TMEM45B: variants seen among roughly 807,000 people sequenced by gnomAD.
The protein encoded by TMEM45B is transmembrane protein 45B.
In TMEM45B, 29 loss-of-function variants were observed where a neutral mutation model predicts 27.3. The observed-to-expected ratio is 1.06, with a 90% CI of 0.79 to 1.45. The LOEUF is 1.45. Ranked by LOEUF, TMEM45B falls within the 40% of genes most tolerant of loss-of-function variation. The pLI is 0.00. For missense variants in TMEM45B, 348 were observed against 343.9 expected (o/e 1.01, Z -0.09); for synonymous variants, 143 against 134.7 (o/e 1.06, Z -0.43).
intron 1 of TMEM45B, among the ~76,000 whole-genome samples, chr11:129,822,381 T>C (rs1947429265): frequency 6.6e-6 from 1 of 152,166 alleles, no homozygotes; most frequent in Non-Finnish European, 1.5e-5. Context: ...GCTTTATACA[T>C]GTTTGGGGAT....
In TMEM45B at chr11:129,846,056, A is replaced by G. The variant is rs1190033124; in HGVS notation, c.-8-6419A>G. Reference sequence around the variant, plus strand: ...AGTTATCTGAGGTTAAAATGTCTAGAATTTAATTTGGTCAACATTTGACAG... The same window carrying G: ...AGTTATCTGAGGTTAAAATGTCTAGGATTTAATTTGGTCAACATTTGACAG... On this transcript the variant is annotated intron_variant, in intron 1 of 5. Transcript: ENST00000281441. 7.8e-4 allele frequency among the ~76,000 whole-genome samples: 118 copies of G among 152,252 alleles called. 1 individual carries two copies. The highest frequency in any genetic ancestry group is 7.7e-3 in the Admixed American group (118 of 15,284).
At chr11:129,816,033 C>T in intron 1 of TMEM45B, 135 bp downstream of exon 1, 1 of 1,203,162 alleles carries the variant, frequency 8.3e-7, no homozygotes, top group Non-Finnish European at 1.0e-6. Flanking sequence ...GGGACGCGGA[C>T]AGGGAGGGGC....
chr11:129,850,269 A>G (rs1305463853), intron 1 of TMEM45B: 2 of 151,774 alleles, frequency 1.3e-5, no homozygotes, highest in East Asian at 1.9e-4. Context: ...GGTTCAAGCG[A>G]TTCTCCTGCC....
chr11:129,821,005 C>T (rs982295411), intron 1 of TMEM45B, among the ~76,000 whole-genome samples: 3 of 152,178 alleles, frequency 2.0e-5, no homozygotes, highest in Non-Finnish European at 4.4e-5. Flanking sequence ...CACCCCCACC[C>T]TCCCTCTCAC....
At chr11:129,816,468 G>T (rs1434674278) in intron 1 of TMEM45B, among the ~76,000 whole-genome samples, 1 of 152,110 alleles carries the variant, frequency 6.6e-6, no homozygotes, top group Non-Finnish European at 1.5e-5. Context: ...AATAACACCG[G>T]GCGGTGGATA....
chr11:129,836,562 T>C (rs1457917827), intron 1 of TMEM45B, among the ~76,000 whole-genome samples: 3 of 152,248 alleles, frequency 2.0e-5, no homozygotes, highest in East Asian at 1.9e-4. Context: ...TCTTTTGAGA[T>C]AAGATCTTTA....
intron 1 of TMEM45B, among the ~76,000 whole-genome samples, chr11:129,834,303 C>T (rs1947591065): frequency 2.0e-5 from 3 of 151,428 alleles, no homozygotes; most frequent in Admixed American, 1.3e-4. Flanking sequence ...TGGTGGCGTG[C>T]GCCTGTAATC....
In TMEM45B at chr11:129,856,708, C is replaced by T. The variant is rs556650861; in HGVS notation, c.571-605C>T. On this transcript the variant is annotated intron_variant, in intron 4 of 5. Transcript: ENST00000281441. ...CCAAGTAGCTGGGACTACAGGCGCC[C>T]GCCACCACGCCTGGCTAATTTTTTG... Among the ~76,000 whole-genome samples, 20 of 151,596 alleles carry T rather than the reference C, an allele frequency of 1.3e-4. No homozygotes were observed. In the East Asian group the frequency reaches 2.0e-3, roughly 15 times the overall value.
intron 1 of TMEM45B, among the ~76,000 whole-genome samples, chr11:129,843,009 G>A (rs1041096065): frequency 6.6e-6 from 1 of 152,156 alleles, no homozygotes; most frequent in South Asian, 2.1e-4. Flanking sequence ...GTGCAATCTC[G>A]GCTCACTGTA....
intron 1 of TMEM45B, among the ~76,000 whole-genome samples, chr11:129,823,556 C>T (rs145873827): frequency 9.7e-4 from 148 of 152,208 alleles, no homozygotes; most frequent in African/African-American, 3.4e-3. Context: ...TTAAATTGAC[C>T]CTATTATCTG....
intron 1 of TMEM45B, among the ~76,000 whole-genome samples, chr11:129,821,893 A>T (rs546138079): frequency 1.1e-3 from 165 of 152,254 alleles, no homozygotes; most frequent in African/African-American, 3.9e-3. Context: ...GGTATCCGTC[A>T]CTGTCCTAAG....
intron 1 of TMEM45B, among the ~76,000 whole-genome samples, chr11:129,837,057 C>T (rs1033479807): frequency 5.9e-5 from 9 of 152,324 alleles, no homozygotes; most frequent in African/African-American, 2.2e-4. Flanking sequence ...CCCAGAGTCT[C>T]AGCAATGCCG....
intron 3 of TMEM45B, among the ~76,000 whole-genome samples, chr11:129,855,249 G>A (rs1328770242): frequency 1.3e-5 from 2 of 152,006 alleles, no homozygotes; most frequent in African/African-American, 2.4e-5. Context: ...CTTTTGCCCA[G>A]GGAGGTACCG....
In TMEM45B at chr11:129,858,846, T is replaced by G; in HGVS notation, c.*161T>G. On this transcript the variant is annotated 3_prime_UTR_variant, in exon 6 of 6. Coordinates refer to ENST00000281441, the MANE Select transcript of TMEM45B (RefSeq NM_138788.5). ...AGGTTCTACAACAGGAAATCAGGCC[T>G]ACAGCATCCTGTGTATCTTGCAGTT... 1.9e-6 allele frequency: 1 copy of G among 515,048 alleles called. No individual in the cohort carries two copies. The highest frequency in any genetic ancestry group is 3.5e-6 in the Non-Finnish European group (1 of 289,028). 31.9% of individuals were successfully genotyped at this position (515,048 alleles called of 1,614,324 possible).
chr11:129,854,404 GC>G (rs1333046041), intron 2 of TMEM45B, among the ~76,000 whole-genome samples: 1 of 152,096 alleles, frequency 6.6e-6, no homozygotes, highest in Non-Finnish European at 1.5e-5. Context: ...AACAACAATG[GC>G]AAGATGTCTA....
At chr11:129,858,119 A>G (rs954563892) in intron 5 of TMEM45B, among the ~76,000 whole-genome samples, 1 of 152,192 alleles carries the variant, frequency 6.6e-6, no homozygotes, top group Admixed American at 6.5e-5. Flanking sequence ...TCTCAGTGCA[A>G]GGGTGAATTT....
chr11:129,856,705 G>A (rs1287339449), intron 4 of TMEM45B, among the ~76,000 whole-genome samples: 2 of 151,226 alleles, frequency 1.3e-5, no homozygotes, highest in South Asian at 2.1e-4. Flanking sequence ...GACTACAGGC[G>A]CCCGCCACCA....
At chr11:129,851,400 C>T (rs905544692) in intron 1 of TMEM45B, among the ~76,000 whole-genome samples, 1 of 150,478 alleles carries the variant, frequency 6.6e-6, no homozygotes, top group African/African-American at 2.4e-5. Flanking sequence ...AAAAATTAGC[C>T]AGGCGTGGTG....
Position 129,857,373 on chromosome 11 carries a change from A to C in TMEM45B, c.631A>C (p.Asn211His). 2 of 1,614,190 alleles carry C rather than the reference A, an allele frequency of 1.2e-6. No individual in the cohort carries two copies. The highest frequency in any genetic ancestry group is 1.7e-6 in the Non-Finnish European group (2 of 1,180,036). ...CGAATGGGACCAGAAGGATGATGCC[A>C]ACCTCATGTTCATCACCATGTGCTT... ...TPEWDQKDDA[N>H]LMFITMCFCW... is the part of the protein sequence containing the mutation. The change falls in exon 5 of 6, where the codon AAC becomes CAC. Residue 211 changes from asparagine to histidine, a missense_variant. Coordinates refer to ENST00000281441, the MANE Select transcript of TMEM45B (RefSeq NM_138788.5).
Sources: allele counts gnomAD v4.1 joint callset (sites outside exome capture counted in the v4.1 genomes callset), GRCh38; gene constraint gnomAD v4.1.1; transcripts MANE v1.5; gene names NCBI Gene and HGNC (gene_info 2026-07-23, HGNC 2026-07-21).